DYSF: variants seen among roughly 807,000 people sequenced by gnomAD.
The protein encoded by DYSF is dystrophy-associated fer-1-like 1.
DYSF carries 212 observed loss-of-function variants against 274.9 expected under a neutral mutation model. That is an observed-to-expected ratio of 0.77 (90% CI 0.69 to 0.86). The LOEUF (loss-of-function observed/expected upper bound fraction) is 0.86, where lower values mean the gene tolerates loss of function less well. Ranked by LOEUF, DYSF falls within the 40% of genes least tolerant of loss-of-function variation. DYSF has a pLI of 0.00. For missense variants in DYSF, 2,666 were observed against 2,783.2 expected, an observed-to-expected ratio of 0.96 and a Z score of 0.95; for synonymous variants, 1,091 against 1,078.7, an observed-to-expected ratio of 1.01 and a Z score of -0.22.
In DYSF at chr2:71,585,151, T is replaced by C. The variant is rs376901206; in HGVS notation, c.3403-4442T>C. Among the ~76,000 whole-genome samples the C allele has an allele frequency of 2.0e-4, 31 of 152,312 alleles. No individual in the cohort carries two copies. In the East Asian group the frequency reaches 4.6e-3, roughly 23 times the overall value. On this transcript the variant is annotated intron_variant, in intron 30 of 55. Coordinates refer to ENST00000410020, the MANE Select transcript of DYSF (RefSeq NM_001130987.2). ...TAACTCAGTGGAGATGCTACTGGTA[T>C]CTAACAGGTAGAGGCCAGGGACGCT...
chr2:71,583,733 G>C (rs542577930), intron 30 of DYSF, among the ~76,000 whole-genome samples: 3 of 152,176 alleles, frequency 2.0e-5, no homozygotes, highest in Non-Finnish European at 2.9e-5. Context: ...TGGTGGGCTC[G>C]ATCTTGGTAC....
At chr2:71,469,016 C>T (rs775480810) in intron 1 of DYSF, among the ~76,000 whole-genome samples, 8 of 152,178 alleles carry the variant, frequency 5.3e-5, no homozygotes, top group Non-Finnish European at 8.8e-5. Context: ...ACTTGTAGAA[C>T]GTGTTTGAGA....
intron 1 of DYSF, among the ~76,000 whole-genome samples, chr2:71,457,647 T>C (rs2081123152): frequency 6.6e-6 from 1 of 152,158 alleles, no homozygotes; most frequent in African/African-American, 2.4e-5. Flanking sequence ...TGCAGATGCT[T>C]TCTTATCTCA....
chr2:71,513,928 A>G lies in DYSF; in HGVS notation c.759+7A>G, dbSNP rs774156496. ...CAAACCGCAGGATTTCCAGGTGATG[A>G]ACGGGCTTTCTCTGACCCCAGGCTC... On this transcript the variant is annotated splice_region_variant and intron_variant, in intron 7 of 55. Coordinates refer to ENST00000410020, the MANE Select transcript of DYSF (RefSeq NM_001130987.2). The G allele has an allele frequency of 6.2e-7, 1 of 1,614,162 alleles. No individual in the cohort carries two copies. Among genetic ancestry groups the G allele is most frequent in the Non-Finnish European group, 8.5e-7 (1 of 1,180,010 alleles).
At chr2:71,584,148 C>T (rs1436884080) in intron 30 of DYSF, among the ~76,000 whole-genome samples, 5 of 136,100 alleles carry the variant, frequency 3.7e-5, no homozygotes, top group African/African-American at 5.5e-5. Flanking sequence ...TGCCCTGGGC[C>T]TGGCCCTGGG....
intron 36 of DYSF, among the ~76,000 whole-genome samples, chr2:71,605,921 T>C (rs1015836465): frequency 6.6e-6 from 1 of 151,988 alleles, no homozygotes; most frequent in Non-Finnish European, 1.5e-5. Flanking sequence ...AGGCAGACAA[T>C]GGAGCCCTCC....
intron 46 of DYSF, among the ~76,000 whole-genome samples, chr2:71,664,653 G>C (rs2094962613): frequency 6.6e-6 from 1 of 152,202 alleles, no homozygotes; most frequent in African/African-American, 2.4e-5. Context: ...GGTGGAATTA[G>C]GATTTGAACC....
At chr2:71,645,467 C>G (rs1043638633) in intron 42 of DYSF, among the ~76,000 whole-genome samples, 10 of 151,824 alleles carry the variant, frequency 6.6e-5, no homozygotes, top group African/African-American at 2.4e-4. Flanking sequence ...TCTCGACATC[C>G]CGCCGCTTGT....
At chr2:71,470,234 C>T (rs1401204651) in intron 1 of DYSF, among the ~76,000 whole-genome samples, 4 of 152,108 alleles carry the variant, frequency 2.6e-5, no homozygotes, top group African/African-American at 9.7e-5. Context: ...AGATTTGGGG[C>T]AGGAGTTGGG....
chr2:71,526,283 G>A lies in DYSF; in HGVS notation c.1213G>A (p.Gly405Ser), dbSNP rs750545892. 2.5e-6 allele frequency: 4 copies of A among 1,614,264 alleles called. No homozygotes were observed. Among genetic ancestry groups the A allele is most frequent in the Non-Finnish European group, 3.4e-6 (4 of 1,180,048 alleles). Reference protein sequence around the residue: ...DIESNLLRPTGVALRGAHFCL... With the variant: ...DIESNLLRPTSVALRGAHFCL... ...TGAAAGCAACCTGCTCCGGCCCACA[G>A]GCGTAGCCCTGCGAGGAGCCCACTT... Residue 405 changes from glycine (G) to serine (S), a missense_variant, in exon 13 of 56, where the codon GGC (glycine) becomes AGC (serine). Gly to Ser is a moderately conservative substitution (Grantham distance 56). Around this residue, in one of 3 missense-constraint regions of DYSF, gnomAD observed 794 missense variants for 777.1 expected, o/e 1.02. Coordinates refer to ENST00000410020, the MANE Select transcript of DYSF (RefSeq NM_001130987.2).
In DYSF at chr2:71,472,695, C is replaced by T. The variant is rs139987517; in HGVS notation, c.91+5762C>T. Among the ~76,000 whole-genome samples the T allele has an allele frequency of 6.3e-3, 961 of 152,320 alleles. 11 individuals carry two copies. The highest frequency in any genetic ancestry group is 0.022 in the African/African-American group (910 of 41,568). ...TGCTGGGATTACAGGCGTGAGCCAC[C>T]GCGCCAAGCCAACACTTTCTTAAGG... On this transcript the variant is annotated intron_variant, in intron 1 of 55. Coordinates refer to ENST00000410020, the MANE Select transcript of DYSF (RefSeq NM_001130987.2).
chr2:71,544,838 T>C (rs2090338475), intron 17 of DYSF, among the ~76,000 whole-genome samples: 1 of 152,200 alleles, frequency 6.6e-6, no homozygotes. Flanking sequence ...GACATTGTTT[T>C]TCATTCACTT....
At chr2:71,521,917 G>A (rs890624300) in intron 12 of DYSF, among the ~76,000 whole-genome samples, 6 of 152,054 alleles carry the variant, frequency 3.9e-5, no homozygotes, top group Non-Finnish European at 7.4e-5. Flanking sequence ...CCTTGGAGAG[G>A]CAGAGCTGCA....
chr2:71,544,494 T>C lies in DYSF; in HGVS notation c.1576+5255T>C, dbSNP rs531334622. 4.0e-5 allele frequency among the ~76,000 whole-genome samples: 6 copies of C among 150,002 alleles called. No homozygotes were observed. In the South Asian group the frequency reaches 1.3e-3, roughly 32 times the overall value. ...TTTTTTTTGAGATGGAGTCTTGCTC[T>C]TTTCGCCCAGCCTGTAGTGCAGTGG... On this transcript the variant is annotated intron_variant, in intron 17 of 55. Coordinates refer to ENST00000410020, the MANE Select transcript of DYSF (RefSeq NM_001130987.2).
Position 71,620,739 on chromosome 2 carries a change from A to C in DYSF, c.4527+130A>C, listed in dbSNP as rs974242787. 3.1e-6 allele frequency: 3 copies of C among 972,642 alleles called. No homozygotes were observed. In the East Asian group the frequency reaches 7.9e-5, roughly 26 times the overall value. The allele number at this position is 972,642 out of a possible 1,614,324, so 60.3% of individuals were successfully genotyped here. A position where few individuals can be genotyped will look rare whatever the true frequency, so the allele number is the denominator to read the frequency against. On this transcript the variant is annotated intron_variant, in intron 41 of 55. Transcript: ENST00000410020. The stretch of plus-strand genomic sequence containing the variant: ...AGGTATTTCCTGAGCCCTAGCAGGG[A>C]AGTCACCTATCTTTGCCTCACTGAA...
intron 24 of DYSF, among the ~76,000 whole-genome samples, chr2:71,565,141 T>C (rs2092004208): frequency 6.6e-6 from 1 of 151,468 alleles, no homozygotes; most frequent in Admixed American, 6.6e-5. Flanking sequence ...AGTGTAGTGG[T>C]GTGATCTCCA....
chr2:71,657,092 T>C (rs2094789364), intron 43 of DYSF, among the ~76,000 whole-genome samples: 2 of 152,126 alleles, frequency 1.3e-5, no homozygotes, highest in African/African-American at 4.8e-5. Context: ...AAAAGTAAGG[T>C]AGTTACTTCC....
chr2:71,601,374 C>A, intron 34 of DYSF, 125 bp from the exon 35 acceptor site: 1 of 1,296,056 alleles, frequency 7.7e-7, no homozygotes, highest in Non-Finnish European at 1.1e-6. Context: ...TCCCTTCTAC[C>A]CTCAAGGAAT....
intron 14 of DYSF, among the ~76,000 whole-genome samples, chr2:71,529,809 TC>T (rs1275764933): frequency 6.6e-5 from 10 of 152,360 alleles, no homozygotes; most frequent in African/African-American, 2.4e-4. Flanking sequence ...TCATTATCAT[TC>T]TTTTTCTCTT....
Sources: gnomAD v4.1 joint callset for allele counts (sites outside exome capture counted in the v4.1 genomes callset) on GRCh38, gnomAD v4.1.1 for gene constraint, gnomAD v4.1.1 regional missense constraint, MANE v1.5 for transcripts, NCBI Gene and HGNC (gene_info 2026-07-23, HGNC 2026-07-21) for gene names.